Variants in XYLT1 observed in about 807,000 individuals in gnomAD.
XYLT1 encodes xylosyltransferase 1.
Under a neutral mutation model 91.3 loss-of-function variants are expected in XYLT1, and 36 were observed. The ratio of observed to expected loss-of-function variants is 0.39; its 90% CI spans 0.30 to 0.52. The LOEUF is 0.52. Among genes scored for constraint, XYLT1 ranks in the 20% least tolerant of loss-of-function variants. XYLT1 has a pLI of 0.68. For missense variants in XYLT1, 1,242 were observed against 1,284.5 expected (o/e 0.97, Z 0.51); for synonymous variants, 588 against 532.0 (o/e 1.11, Z -1.45).
intron 3 of XYLT1, chr16:17,227,290 A>C (rs1199922204): frequency 6.6e-6 from 1 of 152,360 alleles, no homozygotes; most frequent in African/African-American, 2.4e-5. Flanking sequence ...TTCCAGGCAG[A>C]CACACTTGGG....
At chr16:17,347,001 G>A (rs2035152649) in intron 2 of XYLT1, among the ~76,000 whole-genome samples, 1 of 152,176 alleles carries the variant, frequency 6.6e-6, no homozygotes, top group Non-Finnish European at 1.5e-5. Flanking sequence ...AGGCAGCGGG[G>A]AAGATCACAT....
At chr16:17,274,988 C>T (rs1263972990) in intron 2 of XYLT1, among the ~76,000 whole-genome samples, 3 of 152,224 alleles carry the variant, frequency 2.0e-5, no homozygotes, top group African/African-American at 7.2e-5. Flanking sequence ...AGTAGCCTGG[C>T]CAACATGGTG....
intron 2 of XYLT1, among the ~76,000 whole-genome samples, chr16:17,346,330 G>A (rs535982401): frequency 2.0e-5 from 3 of 152,130 alleles, no homozygotes; most frequent in Non-Finnish European, 4.4e-5. Context: ...CCAGAGTCCT[G>A]AGTGTGCAGG....
Position 17,158,126 on chromosome 16 carries a change from C to T in XYLT1, c.1370+703G>A, listed in dbSNP as rs545163243. Among the ~76,000 whole-genome samples, 315 of 152,368 alleles carry T rather than the reference C, an allele frequency of 2.1e-3. 2 individuals are homozygous for T. Among genetic ancestry groups the T allele is most frequent in the African/African-American group, 7.1e-3 (297 of 41,590 alleles). On this transcript the variant is annotated intron_variant, in intron 6 of 11. Coordinates refer to ENST00000261381, the MANE Select transcript of XYLT1 (RefSeq NM_022166.4). ...GGGGGCGCTCAATACTGTATCCCTTCCAGTTGATGGACCATCATGGAGACT... is the reference window on the plus strand; with the variant it reads ...GGGGGCGCTCAATACTGTATCCCTTTCAGTTGATGGACCATCATGGAGACT...
At chr16:17,347,478 G>C (rs1323714596) in intron 2 of XYLT1, among the ~76,000 whole-genome samples, 1 of 152,216 alleles carries the variant, frequency 6.6e-6, no homozygotes, top group African/African-American at 2.4e-5. Context: ...TTTAGCATGA[G>C]ACTGTTTAGA....
chr16:17,264,366 A>G (rs1371340974), intron 2 of XYLT1, among the ~76,000 whole-genome samples: 1 of 152,218 alleles, frequency 6.6e-6, no homozygotes, highest in African/African-American at 2.4e-5. Flanking sequence ...CAGTTAGCAT[A>G]ATGTCCTCAG....
intron 2 of XYLT1, among the ~76,000 whole-genome samples, chr16:17,326,163 A>G (rs1206491559): frequency 7.1e-6 from 1 of 139,882 alleles, no homozygotes; most frequent in Admixed American, 7.4e-5. Context: ...TTTGGTGGCA[A>G]GAACATTAAC....
At chr16:17,394,578 C>T (rs775610290) in intron 1 of XYLT1, among the ~76,000 whole-genome samples, 7 of 152,286 alleles carry the variant, frequency 4.6e-5, no homozygotes, top group Middle Eastern at 3.4e-3. Flanking sequence ...CCATGTCAGA[C>T]CATGGAGGAG....
At chr16:17,319,869 C>T (rs1424210101) in intron 2 of XYLT1, among the ~76,000 whole-genome samples, 1 of 152,198 alleles carries the variant, frequency 6.6e-6, no homozygotes, top group Non-Finnish European at 1.5e-5. Context: ...TGTCATCTGG[C>T]CCCTTCGTAC....
At chr16:17,393,133 C>G (rs1218587826) in intron 1 of XYLT1, among the ~76,000 whole-genome samples, 1 of 152,094 alleles carries the variant, frequency 6.6e-6, no homozygotes, top group East Asian at 1.9e-4. Flanking sequence ...ACTTTCATCC[C>G]TTTTTCCTGG....
At position 17,127,821 on chromosome 16, in the gene XYLT1, A is replaced by G. The variant is rs927782178; in HGVS notation, c.2068T>C (p.Phe690Leu). The G allele has an allele frequency of 1.2e-6, 2 of 1,614,112 alleles. No individual in the cohort carries two copies. Among genetic ancestry groups the G allele is most frequent in the Non-Finnish European group, 1.7e-6 (2 of 1,180,014 alleles). Residue 690 changes from phenylalanine to leucine, a missense_variant, in exon 10 of 12, where the codon TTC (phenylalanine) becomes CTC (leucine). Phe to Leu is a conservative substitution (Grantham distance 22). This residue lies in a region of XYLT1 where 511 missense variants were observed against 497.0 expected (regional missense o/e 1.03). Transcript: ENST00000261381. Reference sequence around the variant, plus strand: ...AAGCCCTGGAAGCGGTCAGCAAGGAAGTAGAGGTGCACAGATGCTGGGTGG... The same window carrying G: ...AAGCCCTGGAAGCGGTCAGCAAGGAGGTAGAGGTGCACAGATGCTGGGTGG... ...MGHPASVHLY[F>L]LADRFQGFLI...
chr16:17,209,062 A>C (rs901598412), intron 3 of XYLT1, among the ~76,000 whole-genome samples: 11 of 152,186 alleles, frequency 7.2e-5, no homozygotes, highest in African/African-American at 2.7e-4. Flanking sequence ...TAGTATAATA[A>C]ATATACTTAC....
intron 2 of XYLT1, among the ~76,000 whole-genome samples, chr16:17,281,949 C>G (rs1567354977): frequency 6.6e-6 from 1 of 152,178 alleles, no homozygotes. Flanking sequence ...CCCCTCCCTT[C>G]TCTCTCAGTC....
At chr16:17,201,537 C>T (rs560995985) in intron 3 of XYLT1, among the ~76,000 whole-genome samples, 5 of 148,790 alleles carry the variant, frequency 3.4e-5, no homozygotes, top group South Asian at 2.1e-4. Context: ...TGCAGTGGTG[C>T]GATCTTGGCT....
chr16:17,299,272 C>A (rs2141809035), intron 2 of XYLT1, among the ~76,000 whole-genome samples: 1 of 152,238 alleles, frequency 6.6e-6, no homozygotes, highest in African/African-American at 2.4e-5. Flanking sequence ...ATCAACCTGG[C>A]CACCATGTTT....
At chr16:17,440,720 A>G (rs2036522677) in intron 1 of XYLT1, among the ~76,000 whole-genome samples, 3 of 152,234 alleles carry the variant, frequency 2.0e-5, no homozygotes, top group African/African-American at 7.2e-5. Context: ...ATGGTTGCCT[A>G]AATAAAATAT....
intron 3 of XYLT1, among the ~76,000 whole-genome samples, chr16:17,212,835 G>A (rs914461595): frequency 3.3e-5 from 5 of 152,194 alleles, no homozygotes; most frequent in African/African-American, 1.2e-4. Context: ...GCAATTCACT[G>A]GGTCCCAGTC....
At chr16:17,276,586 T>C (rs1366877743) in intron 2 of XYLT1, among the ~76,000 whole-genome samples, 1 of 152,190 alleles carries the variant, frequency 6.6e-6, no homozygotes, top group African/African-American at 2.4e-5. Flanking sequence ...TCGCGTGCAC[T>C]GTCATCATCC....
Position 17,127,823 on chromosome 16 carries a change from T to G in XYLT1, c.2066A>C (p.Tyr689Ser), listed in dbSNP as rs771920618. 2.5e-6 allele frequency: 4 copies of G among 1,613,960 alleles called. No individual in the cohort carries two copies. Among genetic ancestry groups the G allele is most frequent in the Admixed American group, 3.3e-5 (2 of 59,978 alleles). The change falls in exon 10 of 12, where the codon TAC (tyrosine) becomes TCC (serine). Residue 689 changes from tyrosine to serine, a missense_variant. By Grantham distance (144) the Tyr-to-Ser change is moderately radical. Coordinates refer to ENST00000261381, the MANE Select transcript of XYLT1 (RefSeq NM_022166.4). ...GCCCTGGAAGCGGTCAGCAAGGAAG[T>G]AGAGGTGCACAGATGCTGGGTGGCC... ...PMGHPASVHLYFLADRFQGFL... is the reference protein window; with the variant it reads ...PMGHPASVHLSFLADRFQGFL...
Sources: gnomAD v4.1 joint callset for allele counts (sites outside exome capture counted in the v4.1 genomes callset) on GRCh38, gnomAD v4.1.1 for gene constraint, gnomAD v4.1.1 regional missense constraint, MANE v1.5 for transcripts, NCBI Gene and HGNC (gene_info 2026-07-23, HGNC 2026-07-21) for gene names.